The following MYOM2 variants were observed in gnomAD, a reference collection of about 807,000 sequenced individuals.
The protein encoded by MYOM2 is myomesin 2, also known as myomesin-2.
MYOM2 carries 254 observed loss-of-function variants against 187.6 expected under a neutral mutation model. The ratio of observed to expected loss-of-function variants is 1.35; its 90% CI spans 1.22 to 1.50. The LOEUF is 1.50. Among genes scored for constraint, MYOM2 ranks in the 40% most tolerant of loss-of-function variants. The probability of loss-of-function intolerance (pLI) is 0.00; values close to 1 mark genes in which losing one functional copy is unlikely to be tolerated. For synonymous variants in MYOM2, 981 were observed against 753.8 expected (o/e 1.30, Z -4.94); for missense variants, 2,796 against 1,924.0 (o/e 1.45, Z -8.48).
intron 27 of MYOM2, among the ~76,000 whole-genome samples, chr8:2,116,894 A>T (rs1325692801): frequency 2.0e-5 from 3 of 151,782 alleles, no homozygotes; most frequent in Non-Finnish European, 1.5e-5. Context: ...AATAGCTGGG[A>T]CTACAGGCGC....
Position 2,069,258 on chromosome 8 carries a change from C to T in MYOM2, c.654-20C>T. 1 of 1,601,916 alleles carries T rather than the reference C, an allele frequency of 6.2e-7. No individual in the cohort carries two copies. The highest frequency in any genetic ancestry group is 1.1e-5 in the South Asian group (1 of 90,192). Reference sequence around the variant, plus strand: ...TACACAACAGTCCCGCAGACTTTCTCTTGTTTTTTTCTCTCCAAGGGCAGA... The same window carrying T: ...TACACAACAGTCCCGCAGACTTTCTTTTGTTTTTTTCTCTCCAAGGGCAGA... On this transcript the variant is annotated intron_variant, in intron 6 of 36. Coordinates refer to ENST00000262113, the MANE Select transcript of MYOM2 (RefSeq NM_003970.4).
Position 2,123,296 on chromosome 8 carries a change from T to C in MYOM2, c.3498T>C (p.Asp1166=). Residue 1166 remains aspartate (D), a synonymous_variant, in exon 29 of 37, where the codon GAT becomes GAC. Transcript: ENST00000262113. ...KKETVFKWLK[D]DVLYETETLP... Reference sequence around the variant, plus strand: ...AAACCGTTTTCAAATGGCTCAAGGATGATGTTCTGTATGAAACGGAGACAC... The same window carrying C: ...AAACCGTTTTCAAATGGCTCAAGGACGATGTTCTGTATGAAACGGAGACAC... 6.2e-7 allele frequency: 1 copy of C among 1,613,842 alleles called. No individual in the cohort carries two copies. Among genetic ancestry groups the C allele is most frequent in the Non-Finnish European group, 8.5e-7 (1 of 1,179,922 alleles).
intron 3 of MYOM2, among the ~76,000 whole-genome samples, chr8:2,053,401 G>C (rs1818555391): frequency 6.6e-6 from 1 of 152,098 alleles, no homozygotes; most frequent in Non-Finnish European, 1.5e-5. Context: ...GGATTAAAGG[G>C]TTCTTCTACC....
At chr8:2,139,436 C>A (rs28660400) in intron 32 of MYOM2, among the ~76,000 whole-genome samples, 1 of 152,136 alleles carries the variant, frequency 6.6e-6, no homozygotes, top group Non-Finnish European at 1.5e-5. Flanking sequence ...CCACCACACC[C>A]GGCCTGAGCT....
chr8:2,116,851 G>C lies in MYOM2; in HGVS notation c.3385+576G>C, dbSNP rs142581653. 7.7e-3 allele frequency among the ~76,000 whole-genome samples: 1,170 copies of C among 152,188 alleles called. 15 individuals carry two copies. The highest frequency in any genetic ancestry group is 0.023 in the African/African-American group (944 of 41,522). ...TGGCTCACTGCAAGCTCCGCCTCCC[G>C]GGTTCACGCCGTTCTCCTGCCTCAG... On this transcript the variant is annotated intron_variant, in intron 27 of 36. Coordinates refer to ENST00000262113, the MANE Select transcript of MYOM2 (RefSeq NM_003970.4).
At chr8:2,062,295 C>A (rs1030511575) in intron 6 of MYOM2, among the ~76,000 whole-genome samples, 1 of 152,218 alleles carries the variant, frequency 6.6e-6, no homozygotes, top group Non-Finnish European at 1.5e-5. Flanking sequence ...TAACATTGAC[C>A]TCTAGAGGAT....
At chr8:2,107,121 A>T (rs1796918934) in intron 23 of MYOM2, among the ~76,000 whole-genome samples, 1 of 152,182 alleles carries the variant, frequency 6.6e-6, no homozygotes, top group South Asian at 2.1e-4. Flanking sequence ...GTTTTCTTAG[A>T]TAGGTTCACA....
At chr8:2,079,504 G>T (rs569593637) in intron 12 of MYOM2, 56 bp from the exon 13 acceptor site, 2 of 1,566,936 alleles carry the variant, frequency 1.3e-6, no homozygotes, top group African/African-American at 2.7e-5. Context: ...GAGGGAAAAC[G>T]GGCTTTTGGG....
chr8:2,107,843 T>G (rs551636094), intron 23 of MYOM2, among the ~76,000 whole-genome samples: 86 of 152,336 alleles, frequency 5.6e-4, no homozygotes, highest in African/African-American at 2.0e-3. Context: ...TGCATTCCTC[T>G]GCACCATTTC....
chr8:2,055,105 G>T (rs189258225), intron 3 of MYOM2, among the ~76,000 whole-genome samples: 14 of 24,986 alleles, frequency 5.6e-4, no homozygotes, highest in East Asian at 0.013. Context: ...TGGATACTGG[G>T]GTAACCAAGT....
chr8:2,070,134 C>T (rs189343827), intron 8 of MYOM2, among the ~76,000 whole-genome samples: 1 of 152,294 alleles, frequency 6.6e-6, no homozygotes, highest in African/African-American at 2.4e-5. Flanking sequence ...AGGCGGTCCC[C>T]ATGAGGGCAT....
At chr8:2,128,336 C>T (rs561622986) in intron 31 of MYOM2, among the ~76,000 whole-genome samples, 2 of 152,290 alleles carry the variant, frequency 1.3e-5, no homozygotes, top group Admixed American at 1.3e-4. Context: ...ATTTAAAATG[C>T]CTCTTTGTTA....
In MYOM2 at chr8:2,079,475, T is replaced by G; in HGVS notation, c.1463-85T>G. ...GGTTGTAGTCCTAATGCAGAGGAGA[T>G]GCAGAGCTGGCACAGAATGAGGGAA... On this transcript the variant is annotated intron_variant, in intron 12 of 36. Coordinates refer to ENST00000262113, the MANE Select transcript of MYOM2 (RefSeq NM_003970.4). 3.8e-6 allele frequency: 5 copies of G among 1,319,008 alleles called. No individual in the cohort carries two copies. In the South Asian group the frequency reaches 5.9e-5, roughly 16 times the overall value. 81.7% of individuals were successfully genotyped at this position (1,319,008 alleles called of 1,614,324 possible).
chr8:2,063,419 A>G (rs898515823), intron 6 of MYOM2, among the ~76,000 whole-genome samples: 1 of 152,140 alleles, frequency 6.6e-6, no homozygotes, highest in Non-Finnish European at 1.5e-5. Flanking sequence ...TTTATTTTAA[A>G]TTTGTAATTG....
chr8:2,095,677 G>A (rs777775448), intron 17 of MYOM2, among the ~76,000 whole-genome samples: 1 of 152,184 alleles, frequency 6.6e-6, no homozygotes, highest in Non-Finnish European at 1.5e-5. Flanking sequence ...GTGACTCAGA[G>A]CTGGGGCAAG....
chr8:2,057,998 GTTTTTTTTTTTTTTTTTTTTTTT>G (rs572901199), intron 5 of MYOM2, among the ~76,000 whole-genome samples: 14 of 80,736 alleles, frequency 1.7e-4, no homozygotes, highest in South Asian at 1.4e-3. Context: ...TTTTCAGAGG[GTTTTTTTTTTTTTTTTTTTTTTT>G]TTTTTTTTTT....
intron 25 of MYOM2, among the ~76,000 whole-genome samples, chr8:2,113,880 G>A (rs1386486372): frequency 6.6e-6 from 1 of 152,236 alleles, no homozygotes; most frequent in Non-Finnish European, 1.5e-5. Flanking sequence ...TCACTGCCAG[G>A]CATGATGCTG....
chr8:2,064,234 C>G (rs1818940828), intron 6 of MYOM2, among the ~76,000 whole-genome samples: 1 of 152,212 alleles, frequency 6.6e-6, no homozygotes, highest in Admixed American at 6.5e-5. Context: ...CAAGGGTGCC[C>G]TTACCTCCCT....
chr8:2,127,854 G>C (rs571979869), intron 31 of MYOM2: 1 of 153,292 alleles, frequency 6.5e-6, no homozygotes, highest in African/African-American at 2.4e-5. Flanking sequence ...ACTCTGTCAC[G>C]GAGGGGGCCT....
Sources: gnomAD v4.1 joint callset for allele counts (sites outside exome capture counted in the v4.1 genomes callset) on GRCh38, gnomAD v4.1.1 for gene constraint, MANE v1.5 for transcripts, NCBI Gene and HGNC (gene_info 2026-07-23, HGNC 2026-07-21) for gene names.